Variants in MLLT3 observed in about 807,000 individuals in gnomAD.
The protein encoded by MLLT3 is MLLT3 super elongation complex subunit, also known as protein AF-9.
Under a neutral mutation model 53.2 loss-of-function variants are expected in MLLT3, and 4 were observed. The observed-to-expected ratio is 0.08, with a 90% CI of 0.04 to 0.17. The LOEUF is 0.17. MLLT3 is among the 10% of genes least tolerant of loss of function. The pLI, the probability that MLLT3 is intolerant of heterozygous loss-of-function variation, is 1.00. For synonymous variants in MLLT3, 283 were observed against 230.6 expected (o/e 1.23, Z -2.06); for missense variants, 569 against 684.0 (o/e 0.83, Z 1.87).
intron 2 of MLLT3, among the ~76,000 whole-genome samples, chr9:20,486,240 A>G (rs1824808534): frequency 6.6e-6 from 1 of 152,156 alleles, no homozygotes; most frequent in African/African-American, 2.4e-5. Context: ...AGCTTTTCCT[A>G]CATGGCAGCA....
At chr9:20,592,467 G>T (rs10811375) in intron 2 of MLLT3, among the ~76,000 whole-genome samples, 65,868 of 151,582 alleles carry the variant, frequency 0.43, 14,534 homozygotes, top group Middle Eastern at 0.49. Context: ...GTCTTTTCTT[G>T]GTGTGTCTGT....
At chr9:20,434,301 G>A (rs569160380) in intron 4 of MLLT3, among the ~76,000 whole-genome samples, 9 of 152,202 alleles carry the variant, frequency 5.9e-5, no homozygotes, top group African/African-American at 2.2e-4. Context: ...AGTATTCAGG[G>A]ACAACGGAGC....
intron 2 of MLLT3, among the ~76,000 whole-genome samples, chr9:20,583,562 T>C (rs566915616): frequency 6.6e-6 from 1 of 152,332 alleles, no homozygotes; most frequent in Admixed American, 6.5e-5. Context: ...GGCATTTCCA[T>C]ACATCTTCTG....
At chr9:20,551,351 C>T (rs768583528) in intron 2 of MLLT3, among the ~76,000 whole-genome samples, 3 of 152,212 alleles carry the variant, frequency 2.0e-5, no homozygotes, top group Non-Finnish European at 4.4e-5. Context: ...GCAAAGATCA[C>T]TTTAAAGCAC....
intron 5 of MLLT3, among the ~76,000 whole-genome samples, chr9:20,370,749 G>T (rs1456113692): frequency 6.6e-6 from 1 of 152,122 alleles, no homozygotes; most frequent in Non-Finnish European, 1.5e-5. Flanking sequence ...GACCTCAGGT[G>T]ATCCACCTGC....
At chr9:20,591,020 G>C (rs762157162) in intron 2 of MLLT3, among the ~76,000 whole-genome samples, 2 of 152,056 alleles carry the variant, frequency 1.3e-5, no homozygotes, top group African/African-American at 2.4e-5. Flanking sequence ...AAAGTGCTGG[G>C]ATTAAAGTTG....
chr9:20,602,235 T>C (rs1820443428), intron 2 of MLLT3, among the ~76,000 whole-genome samples: 1 of 152,170 alleles, frequency 6.6e-6, no homozygotes, highest in South Asian at 2.1e-4. Context: ...AGAATTACTT[T>C]GCTTTCAGAG....
Position 20,621,859 on chromosome 9 carries a change from C to T in MLLT3, c.12+386G>A. On this transcript the variant is annotated intron_variant, in intron 1 of 10. Coordinates refer to ENST00000380338, the MANE Select transcript of MLLT3 (RefSeq NM_004529.4). The surrounding 1 kb of genome is among the most constrained non-coding windows in gnomAD (Gnocchi z 7.0). ...GGACTGTGCCCGCAGCTCCCGGCGGCGGCGGCTGAAATATGGCTGAGTTAT... is the reference window on the plus strand; with the variant it reads ...GGACTGTGCCCGCAGCTCCCGGCGGTGGCGGCTGAAATATGGCTGAGTTAT... 2 of 1,382,144 alleles carry T rather than the reference C, an allele frequency of 1.4e-6. No homozygotes were observed. The highest frequency in any genetic ancestry group is 1.7e-5 in the South Asian group (1 of 59,998). 85.6% of individuals were successfully genotyped at this position (1,382,144 alleles called of 1,614,324 possible).
intron 2 of MLLT3, among the ~76,000 whole-genome samples, chr9:20,543,236 C>T (rs1291176538): frequency 6.6e-6 from 1 of 152,246 alleles, no homozygotes; most frequent in Non-Finnish European, 1.5e-5. Flanking sequence ...CCTTCACACT[C>T]ACAAGCTGGC....
At chr9:20,599,723 T>C (rs868319358) in intron 2 of MLLT3, among the ~76,000 whole-genome samples, 94 of 152,232 alleles carry the variant, frequency 6.2e-4, no homozygotes, top group African/African-American at 2.2e-3. Flanking sequence ...TAATCTATCA[T>C]CCAAAGAGCA....
chr9:20,432,262 A>T (rs1347153312), intron 4 of MLLT3, among the ~76,000 whole-genome samples: 1 of 152,204 alleles, frequency 6.6e-6, no homozygotes, highest in Non-Finnish European at 1.5e-5. Context: ...TGCTCAGTGA[A>T]TAAATGCTTG....
chr9:20,471,458 G>C (rs146925333), intron 2 of MLLT3, among the ~76,000 whole-genome samples: 20 of 151,940 alleles, frequency 1.3e-4, no homozygotes, highest in Non-Finnish European at 1.8e-4. Context: ...AATCACACAA[G>C]AAACAAGTTT....
intron 8 of MLLT3, among the ~76,000 whole-genome samples, chr9:20,358,553 A>T (rs1032397738): frequency 6.6e-6 from 1 of 152,234 alleles, no homozygotes; most frequent in African/African-American, 2.4e-5. Context: ...GGTAAAAAAC[A>T]GTCTGACAAA....
chr9:20,360,886 A>G (rs981206090), intron 7 of MLLT3, 45 bp from the exon 8 acceptor site: 2 of 1,501,288 alleles, frequency 1.3e-6, no homozygotes, highest in African/African-American at 1.4e-5. Flanking sequence ...CAAACAGATG[A>G]TTCTTGAAAT....
At chr9:20,503,047 C>A (rs1277202583) in intron 2 of MLLT3, among the ~76,000 whole-genome samples, 1 of 152,010 alleles carries the variant, frequency 6.6e-6, no homozygotes, top group African/African-American at 2.4e-5. Flanking sequence ...ATGAAAAAAA[C>A]TGAAGACAAC....
intron 2 of MLLT3, among the ~76,000 whole-genome samples, chr9:20,606,999 G>A (rs752163887): frequency 1.4e-4 from 22 of 152,192 alleles, no homozygotes; most frequent in Non-Finnish European, 2.8e-4. Context: ...CTTGTCCTCT[G>A]GTTCCTCTTT....
chr9:20,372,342 TA>T (rs887561858), intron 5 of MLLT3, among the ~76,000 whole-genome samples: 2 of 152,156 alleles, frequency 1.3e-5, no homozygotes, highest in African/African-American at 4.8e-5. Context: ...ATGCTACAGA[TA>T]AATCTTTTGC....
intron 2 of MLLT3, among the ~76,000 whole-genome samples, chr9:20,476,217 G>A (rs1824518048): frequency 1.3e-5 from 2 of 152,026 alleles, no homozygotes; most frequent in African/African-American, 2.4e-5. Context: ...GAAACAGGAG[G>A]AGAAATAGTA....
At position 20,414,048 on chromosome 9, in the gene MLLT3, A is replaced by G. The variant is rs752735491; in HGVS notation, c.798T>C (p.Asp266=). 3.1e-6 allele frequency: 5 copies of G among 1,613,964 alleles called. No homozygotes were observed. The highest frequency in any genetic ancestry group is 1.7e-5 in the Admixed American group (1 of 59,992). ...PKPMSKEPKP[D]SNLLTITSGQ... Reference sequence around the variant, plus strand: ...CACTGGTGATGGTGAGTAAGTTACTATCTGGTTTTGGCTCTTTTGACATGG... The same window carrying G: ...CACTGGTGATGGTGAGTAAGTTACTGTCTGGTTTTGGCTCTTTTGACATGG... Residue 266 remains aspartate, a synonymous_variant, in exon 5 of 11, where the codon GAT becomes GAC. Coordinates refer to ENST00000380338, the MANE Select transcript of MLLT3 (RefSeq NM_004529.4).
Sources: allele counts gnomAD v4.1 joint callset (sites outside exome capture counted in the v4.1 genomes callset), GRCh38; gene constraint gnomAD v4.1.1; non-coding constraint Gnocchi (gnomAD v3.1); transcripts MANE v1.5; gene names NCBI Gene and HGNC (gene_info 2026-07-23, HGNC 2026-07-21).